ASTN2: variants seen among roughly 807,000 people sequenced by gnomAD.
ASTN2 encodes astrotactin 2.
Under a neutral mutation model 139.8 loss-of-function variants are expected in ASTN2, and 54 were observed. The ratio of observed to expected loss-of-function variants is 0.39; its 90% confidence interval spans 0.31 to 0.48. The LOEUF is 0.48. Ranked by LOEUF, ASTN2 falls within the 20% of genes least tolerant of loss-of-function variation. The pLI is 0.95. For missense variants in ASTN2, 1,565 were observed against 1,725.1 expected, an observed-to-expected ratio of 0.91 and a Z score of 1.64; for synonymous variants, 756 against 719.5, an observed-to-expected ratio of 1.05 and a Z score of -0.81.
At chr9:116,912,069 G>C (rs541529071) in intron 10 of ASTN2, among the ~76,000 whole-genome samples, 42 of 152,326 alleles carry the variant, frequency 2.8e-4, no homozygotes, top group Non-Finnish European at 5.0e-4. Flanking sequence ...ATGGGTCAGG[G>C]CACTGGAATC....
chr9:117,200,019 A>G (rs1229149174), intron 3 of ASTN2, among the ~76,000 whole-genome samples: 2 of 151,814 alleles, frequency 1.3e-5, no homozygotes, highest in African/African-American at 4.8e-5. Flanking sequence ...ATTGCTTATC[A>G]GTTCAAGAAG....
At chr9:117,341,923 C>T (rs1338867028) in intron 1 of ASTN2, among the ~76,000 whole-genome samples, 1 of 152,136 alleles carries the variant, frequency 6.6e-6, no homozygotes, top group Non-Finnish European at 1.5e-5. Flanking sequence ...TTTTCAATTG[C>T]TTGAGTGCAC....
At chr9:116,861,668 C>A (rs1408535267) in intron 11 of ASTN2, among the ~76,000 whole-genome samples, 2 of 152,188 alleles carry the variant, frequency 1.3e-5, no homozygotes, top group Non-Finnish European at 2.9e-5. Context: ...CTGGTGCAAG[C>A]TCCAAGCATG....
chr9:116,877,501 C>A (rs536790271), intron 10 of ASTN2, among the ~76,000 whole-genome samples: 8 of 152,192 alleles, frequency 5.3e-5, no homozygotes, highest in African/African-American at 1.9e-4. Flanking sequence ...CCTATCTATA[C>A]CTAAATTTAT....
chr9:116,979,295 G>A (rs1434969410), intron 7 of ASTN2, among the ~76,000 whole-genome samples: 3 of 152,054 alleles, frequency 2.0e-5, no homozygotes, highest in South Asian at 2.1e-4. Flanking sequence ...CAGAAGACAT[G>A]TCCTTTTCCT....
intron 19 of ASTN2, among the ~76,000 whole-genome samples, chr9:116,594,591 G>A (rs1232143949): frequency 6.6e-6 from 1 of 152,134 alleles, no homozygotes; most frequent in Non-Finnish European, 1.5e-5. Flanking sequence ...GTCACTTTAT[G>A]TTCAGCCAGT....
chr9:116,947,216 C>T (rs147691743), intron 10 of ASTN2, among the ~76,000 whole-genome samples: 2 of 152,274 alleles, frequency 1.3e-5, no homozygotes, highest in Non-Finnish European at 2.9e-5. Context: ...GGAAGTCACT[C>T]AACTTCTAAG....
chr9:116,686,603 T>G (rs2132036601), intron 16 of ASTN2: 1 of 1,284,674 alleles, frequency 7.8e-7, no homozygotes, highest in African/African-American at 1.5e-5. Flanking sequence ...GTGCCCCAGA[T>G]TCCCTCAAAT....
At chr9:117,273,237 T>G (rs1033028100) in intron 2 of ASTN2, among the ~76,000 whole-genome samples, 1 of 152,136 alleles carries the variant, frequency 6.6e-6, no homozygotes, top group Non-Finnish European at 1.5e-5. Context: ...ATCATGAGAA[T>G]AGCATGAGAA....
At chr9:116,543,093 C>T (rs182639917) in intron 19 of ASTN2, among the ~76,000 whole-genome samples, 13 of 151,630 alleles carry the variant, frequency 8.6e-5, no homozygotes, top group South Asian at 4.2e-4. Flanking sequence ...AAAGACCATC[C>T]GGCACATTTT....
chr9:117,007,436 G>A (rs1837389488), intron 7 of ASTN2, among the ~76,000 whole-genome samples: 1 of 152,008 alleles, frequency 6.6e-6, no homozygotes, highest in African/African-American at 2.4e-5. Context: ...AAATCTGGGT[G>A]GTATGACTGG....
chr9:116,490,303 A>AAAAAAAAAAAAAAAAAAAAAAAAG (rs1564314423), intron 19 of ASTN2, among the ~76,000 whole-genome samples: 3 of 104,516 alleles, frequency 2.9e-5, no homozygotes, highest in Non-Finnish European at 6.0e-5. Context: ...AAAAAAAAAA[A>AAAAAAAAAAAAAAAAAAAAAAAAG]GGGGGCATTG....
intron 6 of ASTN2, among the ~76,000 whole-genome samples, chr9:117,035,061 G>A (rs1838344917): frequency 6.6e-6 from 1 of 152,142 alleles, no homozygotes; most frequent in African/African-American, 2.4e-5. Context: ...CAGCACCACG[G>A]ACAGCTCAAT....
chr9:116,590,937 A>C (rs534899242), intron 19 of ASTN2, among the ~76,000 whole-genome samples: 52 of 152,072 alleles, frequency 3.4e-4, no homozygotes, highest in Non-Finnish European at 6.5e-4. Context: ...GGAGCTACCC[A>C]CTTCAAGTCT....
At chr9:116,535,696 C>CT (rs1431067142) in intron 19 of ASTN2, among the ~76,000 whole-genome samples, 3 of 152,134 alleles carry the variant, frequency 2.0e-5, no homozygotes, top group Non-Finnish European at 2.9e-5. Flanking sequence ...CCACTCTCTT[C>CT]GGCTTGTAGA....
intron 22 of ASTN2, among the ~76,000 whole-genome samples, chr9:116,438,642 G>A (rs1847733362): frequency 6.6e-6 from 1 of 152,146 alleles, no homozygotes; most frequent in Non-Finnish European, 1.5e-5. Flanking sequence ...CCTCTTTCAG[G>A]TTACTTCAAA....
chr9:116,918,439 A>G lies in ASTN2; in HGVS notation c.1890-54706T>C, dbSNP rs1177383710. ...TTGTAATAATCCAGACTAGAAATGT[A>G]AACAGGTCACCATTCTTTCTCTCCC... On this transcript the variant is annotated intron_variant, in intron 10 of 22. Transcript: ENST00000313400. Among the ~76,000 whole-genome samples the G allele has an allele frequency of 2.0e-5, 3 of 152,196 alleles. No homozygotes were observed. The East Asian group carries it at 5.8e-4, about 29-fold the overall frequency.
chr9:117,015,684 A>G (rs1837653914), intron 6 of ASTN2, among the ~76,000 whole-genome samples: 1 of 152,196 alleles, frequency 6.6e-6, no homozygotes, highest in South Asian at 2.1e-4. Context: ...CAAAGCGAAG[A>G]AAGAAGCTAA....
chr9:117,372,653 G>A (rs1830019358), intron 1 of ASTN2, among the ~76,000 whole-genome samples: 1 of 152,014 alleles, frequency 6.6e-6, no homozygotes, highest in South Asian at 2.1e-4. Flanking sequence ...TAAAATGCCT[G>A]GCACATAGCA....
Sources: allele counts gnomAD v4.1 joint callset (sites outside exome capture counted in the v4.1 genomes callset), GRCh38; gene constraint gnomAD v4.1.1; transcripts MANE v1.5; gene names NCBI Gene and HGNC (gene_info 2026-07-23, HGNC 2026-07-21).